KNDC1: variants seen among roughly 807,000 people sequenced by gnomAD.
The protein encoded by KNDC1 is kinase non-catalytic C-lobe domain containing 1, also known as kinase non-catalytic C-lobe domain-containing protein 1.
In KNDC1, 106 loss-of-function variants were observed where a neutral mutation model predicts 172.8. That is an observed-to-expected ratio of 0.61 (90% CI 0.52 to 0.72). The LOEUF is 0.72. Among genes scored for constraint, KNDC1 ranks in the 30% least tolerant of loss-of-function variants. The pLI is 0.00. For missense variants in KNDC1, 2,325 were observed against 2,394.5 expected, an observed-to-expected ratio of 0.97 and a Z score of 0.61; for synonymous variants, 1,083 against 1,062.2, an observed-to-expected ratio of 1.02 and a Z score of -0.38.
At chr10:133,168,643 C>T (rs555596729) in intron 3 of KNDC1, among the ~76,000 whole-genome samples, 10 of 152,332 alleles carry the variant, frequency 6.6e-5, no homozygotes, top group Admixed American at 3.9e-4. Context: ...TTCTGGAATG[C>T]GAATTTACTA....
intron 29 of KNDC1, among the ~76,000 whole-genome samples, chr10:133,223,978 CGTGTGT>C (rs527737490): frequency 4.0e-5 from 5 of 124,182 alleles, no homozygotes; most frequent in African/African-American, 6.3e-5. Flanking sequence ...CTCTTCCCGG[CGTGTGT>C]GTGTGTGTGT....
intron 28 of KNDC1, among the ~76,000 whole-genome samples, 154 bp from the exon 29 acceptor site, chr10:133,219,801 C>A (rs1283789488): frequency 6.6e-6 from 1 of 152,224 alleles, no homozygotes; most frequent in Admixed American, 6.5e-5. Context: ...CAGGAACATT[C>A]GGGACTGGAA....
In KNDC1 at chr10:133,220,389, C is replaced by G. The variant is rs796726976; in HGVS notation, c.5018+277C>G. On this transcript the variant is annotated intron_variant, in intron 29 of 29. Transcript: ENST00000304613. ...CCCAGGTGAGGAGGGGCTCAGGCGG[C>G]CGCGCGCCCAGGTGAGGAGGTGCTC... 1.8e-3 allele frequency among the ~76,000 whole-genome samples: 19 copies of G among 10,566 alleles called. 1 individual carries two copies. The highest frequency in any genetic ancestry group is 4.3e-3 in the African/African-American group (10 of 2,340). The allele number at this position is 10,566 out of a possible 152,430, so 6.9% of individuals were successfully genotyped here.
In KNDC1 at chr10:133,201,872, G is replaced by A. The variant is rs746037403; in HGVS notation, c.3361G>A (p.Gly1121Arg). 4.3e-5 allele frequency: 64 copies of A among 1,473,530 alleles called. 1 individual carries two copies. In the Admixed American group the frequency reaches 1.2e-3, roughly 29 times the overall value. 91.3% of individuals were successfully genotyped at this position (1,473,530 alleles called of 1,614,324 possible). A position where few individuals can be genotyped will look rare whatever the true frequency, so the allele number is the denominator to read the frequency against. Residue 1121 changes from glycine to arginine, a missense_variant, in exon 17 of 30, where the codon GGG (glycine) becomes AGG (arginine). Coordinates refer to ENST00000304613, the MANE Select transcript of KNDC1 (RefSeq NM_152643.8). ...VKDLGRQQAD[G>R]ALPDAQSPEL... ...GGACCTGGGGCGGCAGCAGGCGGAC[G>A]GGGCCCTGCCCGACGCCCAGAGCCC...
At chr10:133,168,548 C>T (rs187923781) in intron 3 of KNDC1, among the ~76,000 whole-genome samples, 8 of 152,214 alleles carry the variant, frequency 5.3e-5, no homozygotes, top group East Asian at 3.9e-4. Flanking sequence ...GTGGGCAGCT[C>T]GGACTGTGGG....
At chr10:133,168,177 A>G in intron 2 of KNDC1, 77 bp from the exon 3 acceptor site, 5 of 1,343,776 alleles carry the variant, frequency 3.7e-6, no homozygotes, top group Non-Finnish European at 5.3e-6. Context: ...CTCCCTCTCC[A>G]GGCCCTTCTC....
chr10:133,222,282 C>CAAA (rs557486015), intron 29 of KNDC1, among the ~76,000 whole-genome samples: 4 of 123,818 alleles, frequency 3.2e-5, no homozygotes, highest in Admixed American at 8.0e-5. Flanking sequence ...GACTCCGTCT[C>CAAA]AAAAAAAAAA....
chr10:133,182,925 ACGG>A lies in KNDC1; in HGVS notation c.361-418_361-416del, dbSNP rs1564881616. 1.5e-3 allele frequency among the ~76,000 whole-genome samples: 201 copies of A among 133,330 alleles called. 2 individuals carry two copies. The highest frequency in any genetic ancestry group is 5.4e-3 in the African/African-American group (187 of 34,810). 87.5% of individuals were successfully genotyped at this position (133,330 alleles called of 152,430 possible). On this transcript the variant is annotated intron_variant, in intron 3 of 29. Coordinates refer to ENST00000304613, the MANE Select transcript of KNDC1 (RefSeq NM_152643.8). ...GTGGGTGCGAGCAATGTGGGCACGGACGGTGTGGGCACAGGCGGTGTGGGCACA... is the reference window on the plus strand; with the variant it reads ...GTGGGTGCGAGCAATGTGGGCACGGATGTGGGCACAGGCGGTGTGGGCACA...
At chr10:133,188,299 G>A (rs1438680000) in intron 6 of KNDC1, among the ~76,000 whole-genome samples, 13 of 152,180 alleles carry the variant, frequency 8.5e-5, no homozygotes, top group Non-Finnish European at 1.3e-4. Flanking sequence ...CAGCACTGTC[G>A]TCTGCAGTGG....
In KNDC1 at chr10:133,189,801, G is replaced by A. The variant is rs1413366774; in HGVS notation, c.1563G>A (p.Leu521=). The part of the protein sequence containing the change: ...FLAPELAEER[L]VTEKASVYCV... ...CTCCCGAGCTGGCAGAGGAGAGGCT[G>A]GTAACTGAAAAGGTACCCGGGCCCT... The change falls in exon 9 of 30, where the codon CTG becomes CTA. Residue 521 remains leucine, a synonymous_variant. Coordinates refer to ENST00000304613, the MANE Select transcript of KNDC1 (RefSeq NM_152643.8). The A allele has an allele frequency of 1.2e-6, 2 of 1,613,638 alleles. No homozygotes were observed. Among genetic ancestry groups the A allele is most frequent in the Middle Eastern group, 1.6e-4 (1 of 6,070 alleles).
rs1254954735 is a variant in KNDC1, at chr10:133,219,963, G to A, written c.4869G>A (p.Leu1623=). The A allele has an allele frequency of 1.3e-6, 2 of 1,550,966 alleles. No homozygotes were observed. Among genetic ancestry groups the A allele is most frequent in the Non-Finnish European group, 1.7e-6 (2 of 1,146,832 alleles). ...MEELKAVEVF[L]KSDSLCLMEG... is the part of the protein sequence containing the mutation. ...CCCGGCTGGACCACCAGGTCTTCCT[G>A]AAGAGCGACAGCCTGTGTCTGATGG... Residue 1623 remains leucine, a synonymous_variant, in exon 29 of 30, where the codon CTG becomes CTA. Transcript: ENST00000304613.
intron 23 of KNDC1, 49 bp downstream of exon 23, chr10:133,211,907 T>C (rs751850549): frequency 6.4e-7 from 1 of 1,550,520 alleles, no homozygotes; most frequent in Admixed American, 2.2e-5. Context: ...CGGATGTGGG[T>C]CCCTGAGCCC....
At chr10:133,200,969 C>A (rs1854346797) in intron 16 of KNDC1, among the ~76,000 whole-genome samples, 1 of 152,178 alleles carries the variant, frequency 6.6e-6, no homozygotes, top group South Asian at 2.1e-4. Flanking sequence ...GTGGTGGTCA[C>A]CCTCAGGCTG....
intron 20 of KNDC1, among the ~76,000 whole-genome samples, chr10:133,207,684 G>C (rs919572146): frequency 3.9e-5 from 6 of 152,244 alleles, no homozygotes; most frequent in Non-Finnish European, 8.8e-5. Context: ...ATGTGGCCTG[G>C]ACTCCATCCA....
Position 133,183,987 on chromosome 10 carries a change from A to T in KNDC1, c.623A>T (p.Gln208Leu), listed in dbSNP as rs761572780. Residue 208 changes from glutamine to leucine, a missense_variant and splice_region_variant, in exon 5 of 30, where the codon CAG becomes CTG. Coordinates refer to ENST00000304613, the MANE Select transcript of KNDC1 (RefSeq NM_152643.8). ...VLSIESFGAL[Q>L]DVSESSWRER... ...TCCATCGAGTCCTTCGGAGCGCTGC[A>T]GGGTGAGTTCTTGAACCCACACACG... 4 of 1,563,554 alleles carry T rather than the reference A, an allele frequency of 2.6e-6. No homozygotes were observed. The South Asian group carries it at 4.6e-5, about 18-fold the overall frequency.
At chr10:133,178,551 C>T (rs543201608) in intron 3 of KNDC1, among the ~76,000 whole-genome samples, 3 of 152,270 alleles carry the variant, frequency 2.0e-5, no homozygotes, top group Non-Finnish European at 4.4e-5. Context: ...CACTCCCAGC[C>T]TGGGTGGGTA....
rs774311574 is a variant in KNDC1 at position 133,186,537 on chromosome 10, G to C, written c.1189G>C (p.Glu397Gln). ...GGTGCCCGGCAGTCCAGGACAGCCC[G>C]AGACTTCACACCCCAGCCAGGGGCC... ...PGVPGSPGQP[E>Q]TSHPSQGPAE... Residue 397 changes from glutamate to glutamine, a missense_variant, in exon 6 of 30, where the codon GAG becomes CAG. Coordinates refer to ENST00000304613, the MANE Select transcript of KNDC1 (RefSeq NM_152643.8). The C allele has an allele frequency of 6.2e-7, 1 of 1,611,740 alleles. No homozygotes were observed. Among genetic ancestry groups the C allele is most frequent in the Non-Finnish European group, 8.5e-7 (1 of 1,179,890 alleles).
intron 7 of KNDC1, 93 bp downstream of exon 7, chr10:133,188,746 CCCCACA>C (rs1355399361): frequency 0.021 from 12,969 of 609,994 alleles, 1,259 homozygotes; most frequent in African/African-American, 0.2. Flanking sequence ...CCGTCCCACC[CCCCACA>C]CCGTCCCACG....
At chr10:133,202,411 G>T (rs1443461449) in intron 17 of KNDC1, 4 of 423,232 alleles carry the variant, frequency 9.5e-6, no homozygotes, top group Non-Finnish European at 1.9e-5. Flanking sequence ...GGCCAGCAGG[G>T]AGAGGAGGTC....
Sources: allele counts gnomAD v4.1 joint callset (sites outside exome capture counted in the v4.1 genomes callset), GRCh38; gene constraint gnomAD v4.1.1; transcripts MANE v1.5; gene names NCBI Gene and HGNC (gene_info 2026-07-23, HGNC 2026-07-21).